The following BMPR1A variants were observed in gnomAD, a reference collection of about 807,000 sequenced individuals.
The protein encoded by BMPR1A is bone morphogenetic protein receptor type-1A.
In BMPR1A, 7 loss-of-function variants were observed where a neutral mutation model predicts 66.0. That is an observed-to-expected ratio of 0.11 (90% confidence interval 0.06 to 0.20). The LOEUF is 0.20. Ranked by LOEUF, BMPR1A falls within the 10% of genes least tolerant of loss-of-function variation. BMPR1A has a pLI of 1.00. For synonymous variants in BMPR1A, 200 were observed against 229.7 expected (o/e 0.87, Z 1.17); for missense variants, 408 against 669.1 (o/e 0.61, Z 4.31).
rs536607447 is a variant in BMPR1A at position 86,850,664 on chromosome 10, C to T, written c.-153+11685C>T. On this transcript the variant is annotated intron_variant, in intron 2 of 12. Coordinates refer to ENST00000372037, the MANE Select transcript of BMPR1A (RefSeq NM_004329.3). ...GTTGTTGTTTTGAGACAGGGTCTTG[C>T]TCTGTTGCCCAGGCTGGAGTGCAGT... 2.6e-5 allele frequency among the ~76,000 whole-genome samples: 4 copies of T among 152,168 alleles called. No individual in the cohort carries two copies. In the East Asian group the frequency reaches 7.7e-4, roughly 29 times the overall value.
In BMPR1A at chr10:86,879,916, CTGTT is replaced by C. The variant is rs149947890; in HGVS notation, c.67+3835_67+3838del. Among the ~76,000 whole-genome samples the C allele has an allele frequency of 1.8e-4, 27 of 152,308 alleles. 1 individual carries two copies. The East Asian group carries it at 5.0e-3, about 28-fold the overall frequency. ...AGCATGTAGATTAATGATGCTTAACCTGTTTGTCAGCCTCCAGTTTTATTTTCTG... is the reference window on the plus strand; with the variant it reads ...AGCATGTAGATTAATGATGCTTAACCTGTCAGCCTCCAGTTTTATTTTCTG... On this transcript the variant is annotated intron_variant, in intron 3 of 12. Transcript: ENST00000372037.
At chr10:86,875,202 A>C (rs965712445) in intron 2 of BMPR1A, among the ~76,000 whole-genome samples, 15 of 151,568 alleles carry the variant, frequency 9.9e-5, no homozygotes, top group Non-Finnish European at 1.6e-4. Flanking sequence ...GTGAAACCCC[A>C]TCTCTACTAA....
intron 7 of BMPR1A, among the ~76,000 whole-genome samples, chr10:86,906,832 T>G (rs1387823845): frequency 1.3e-5 from 2 of 151,828 alleles, no homozygotes; most frequent in Non-Finnish European, 2.9e-5. Context: ...TTATTTGGTG[T>G]TGTGCCACAG....
At chr10:86,918,952 GATT>G (rs765139534) in intron 9 of BMPR1A, among the ~76,000 whole-genome samples, 43 of 152,188 alleles carry the variant, frequency 2.8e-4, no homozygotes, top group East Asian at 1.9e-3. Context: ...TCACTTTCAT[GATT>G]ATTAAGATTA....
At chr10:86,760,346 T>C (rs974582736) in intron 1 of BMPR1A, among the ~76,000 whole-genome samples, 2 of 147,300 alleles carry the variant, frequency 1.4e-5, no homozygotes, top group African/African-American at 5.0e-5. Context: ...CTCTGCCTCC[T>C]GGGTTCAAGG....
intron 1 of BMPR1A, among the ~76,000 whole-genome samples, chr10:86,804,115 A>T (rs1304355157): frequency 1.3e-5 from 2 of 152,234 alleles, no homozygotes; most frequent in Admixed American, 1.3e-4. Flanking sequence ...AATAATTTTC[A>T]GTTTATTCTC....
At chr10:86,911,204 A>G (rs887576362) in intron 7 of BMPR1A, among the ~76,000 whole-genome samples, 1 of 151,770 alleles carries the variant, frequency 6.6e-6, no homozygotes, top group Non-Finnish European at 1.5e-5. Context: ...ATTTCTTGAC[A>G]TTAGGATTGG....
rs769122446 is a variant in BMPR1A at position 86,921,489 on chromosome 10, C to T, written c.1167-31C>T. On this transcript the variant is annotated intron_variant, in intron 10 of 12. Transcript: ENST00000372037. ...GATAAACTATTTTATTTTTGGCCCT[C>T]AACTTGGACCTTGGCTTTCTTTTGT... 29 of 1,613,010 alleles carry T rather than the reference C, an allele frequency of 1.8e-5. No individual in the cohort carries two copies. Among genetic ancestry groups the T allele is most frequent in the East Asian group, 2.2e-5 (1 of 44,900 alleles).
At chr10:86,912,439 C>T in intron 8 of BMPR1A, 55 bp downstream of exon 8, 2 of 1,594,096 alleles carry the variant, frequency 1.3e-6, no homozygotes, top group Non-Finnish European at 1.7e-6. Flanking sequence ...AATGTGTCCT[C>T]ATGATGGTGG....
intron 4 of BMPR1A, among the ~76,000 whole-genome samples, chr10:86,890,814 C>A (rs1843137883): frequency 1.3e-5 from 2 of 151,944 alleles, no homozygotes. Context: ...TTTTTTCTTA[C>A]CTGTGAATTT....
chr10:86,878,196 A>G (rs1430709883), intron 3 of BMPR1A, among the ~76,000 whole-genome samples: 1 of 152,234 alleles, frequency 6.6e-6, no homozygotes, highest in East Asian at 1.9e-4. Context: ...TCTCAGGAAA[A>G]TAAACTTATC....
chr10:86,835,645 A>T (rs898997648), intron 1 of BMPR1A, among the ~76,000 whole-genome samples: 2 of 150,632 alleles, frequency 1.3e-5, no homozygotes, highest in Admixed American at 6.7e-5. Flanking sequence ...TCTGTAAAGC[A>T]AATCTTACTA....
chr10:86,769,576 A>G (rs1024429837), intron 1 of BMPR1A, among the ~76,000 whole-genome samples: 3 of 152,240 alleles, frequency 2.0e-5, no homozygotes, highest in Non-Finnish European at 4.4e-5. Context: ...TCCAGGGCTT[A>G]TTAAGATGTG....
intron 3 of BMPR1A, among the ~76,000 whole-genome samples, chr10:86,881,165 C>T (rs1358254164): frequency 2.0e-5 from 3 of 152,180 alleles, no homozygotes; most frequent in South Asian, 2.1e-4. Context: ...CACTTGAGCC[C>T]GGGAGCTTGA....
Position 86,762,055 on chromosome 10 carries a change from C to T in BMPR1A, c.-268+5136C>T, listed in dbSNP as rs370769221. On this transcript the variant is annotated intron_variant, in intron 1 of 12. Coordinates refer to ENST00000372037, the MANE Select transcript of BMPR1A (RefSeq NM_004329.3). ...AATTGGGTGGCTCTCTCAAGTGACT[C>T]TTGCTTACAAGTGACAGCCCTAACT... 1.1e-3 allele frequency among the ~76,000 whole-genome samples: 169 copies of T among 152,306 alleles called. 3 individuals carry two copies. In the South Asian group the frequency reaches 0.032, roughly 29 times the overall value.
At chr10:86,841,528 C>T (rs1207278672) in intron 2 of BMPR1A, among the ~76,000 whole-genome samples, 1 of 152,170 alleles carries the variant, frequency 6.6e-6, no homozygotes, top group African/African-American at 2.4e-5. Flanking sequence ...TGAGCAGAGT[C>T]TTGATGGATG....
chr10:86,766,347 C>T (rs1841162433), intron 1 of BMPR1A, among the ~76,000 whole-genome samples: 1 of 152,090 alleles, frequency 6.6e-6, no homozygotes, highest in African/African-American at 2.4e-5. Context: ...CTGATTATAC[C>T]TTAATTTTAC....
intron 3 of BMPR1A, among the ~76,000 whole-genome samples, chr10:86,886,186 C>G (rs1287728602): frequency 6.6e-6 from 1 of 152,164 alleles, no homozygotes; most frequent in Non-Finnish European, 1.5e-5. Context: ...TGACAGAAGG[C>G]CATGTGCCAA....
intron 3 of BMPR1A, among the ~76,000 whole-genome samples, chr10:86,878,115 A>G (rs962781519): frequency 5.3e-5 from 8 of 152,236 alleles, no homozygotes; most frequent in Non-Finnish European, 1.0e-4. Flanking sequence ...ATCATTAGGA[A>G]GGATTGTAGA....
Sources: allele counts gnomAD v4.1 joint callset (sites outside exome capture counted in the v4.1 genomes callset), GRCh38; gene constraint gnomAD v4.1.1; transcripts MANE v1.5; gene names NCBI Gene and HGNC (gene_info 2026-07-23, HGNC 2026-07-21).